Variants in CHRM3 observed in about 807,000 individuals in gnomAD.
CHRM3 encodes muscarinic acetylcholine receptor M3.
Under a neutral mutation model 41.8 loss-of-function variants are expected in CHRM3, and 11 were observed. The ratio of observed to expected loss-of-function variants is 0.26; its 90% CI spans 0.17 to 0.44. The LOEUF (loss-of-function observed/expected upper bound fraction) is 0.44, where lower values mean the gene tolerates loss of function less well. Among genes scored for constraint, CHRM3 ranks in the 20% least tolerant of loss-of-function variants. The pLI is 1.00. For synonymous variants in CHRM3, 297 were observed against 301.4 expected (o/e 0.99, Z 0.15); for missense variants, 571 against 745.4 (o/e 0.77, Z 2.72).
intron 3 of CHRM3, among the ~76,000 whole-genome samples, chr1:239,614,066 C>T (rs1667362050): frequency 6.6e-6 from 1 of 152,144 alleles, no homozygotes; most frequent in African/African-American, 2.4e-5. Context: ...ACTTGAGAGG[C>T]TGAGGCTAGA....
chr1:239,709,993 T>G (rs1489472251), intron 5 of CHRM3, among the ~76,000 whole-genome samples: 1 of 152,198 alleles, frequency 6.6e-6, no homozygotes, highest in Non-Finnish European at 1.5e-5. Flanking sequence ...GCAGTCCTCC[T>G]CCACCTATGC....
intron 1 of CHRM3, among the ~76,000 whole-genome samples, chr1:239,476,375 A>G (rs1310144518): frequency 6.6e-6 from 1 of 151,620 alleles, no homozygotes; most frequent in African/African-American, 2.4e-5. Flanking sequence ...CTGAGGCAGG[A>G]GAATTGCTTG....
intron 5 of CHRM3, among the ~76,000 whole-genome samples, chr1:239,706,026 AT>A (rs1661126908): frequency 6.6e-6 from 1 of 150,424 alleles, no homozygotes; most frequent in African/African-American, 2.4e-5. Flanking sequence ...AATGATTATC[AT>A]TTATTTAGAT....
intron 6 of CHRM3, among the ~76,000 whole-genome samples, chr1:239,871,658 C>A (rs1187333870): frequency 6.6e-6 from 1 of 152,078 alleles, no homozygotes; most frequent in Non-Finnish European, 1.5e-5. Flanking sequence ...TTTGTTAGTT[C>A]ATTTGCAATA....
chr1:239,684,696 A>C (rs1315491439), intron 5 of CHRM3, among the ~76,000 whole-genome samples: 1 of 143,978 alleles, frequency 6.9e-6, no homozygotes, highest in Non-Finnish European at 1.5e-5. Context: ...GGAAGGAGAG[A>C]GAGAGAGAGA....
chr1:239,529,475 G>C (rs1301448740), intron 2 of CHRM3, among the ~76,000 whole-genome samples: 2 of 151,870 alleles, frequency 1.3e-5, no homozygotes, highest in Non-Finnish European at 2.9e-5. Flanking sequence ...AGCTGGACAT[G>C]GTGGCATGTG....
chr1:239,725,107 C>T (rs952309729), intron 5 of CHRM3, among the ~76,000 whole-genome samples: 2 of 151,942 alleles, frequency 1.3e-5, no homozygotes, highest in African/African-American at 4.8e-5. Context: ...GCTTCCTTCT[C>T]CAACAACCTA....
chr1:239,467,618 A>G (rs1453932118), intron 1 of CHRM3, among the ~76,000 whole-genome samples: 2 of 152,266 alleles, frequency 1.3e-5, no homozygotes, highest in East Asian at 3.9e-4. Context: ...TTCTTAAGCA[A>G]GTGATACACA....
chr1:239,805,156 T>A (rs1670531363), intron 5 of CHRM3, among the ~76,000 whole-genome samples: 1 of 152,210 alleles, frequency 6.6e-6, no homozygotes, highest in South Asian at 2.1e-4. Context: ...TCTCATTTAA[T>A]CCCTGCAAAT....
At chr1:239,648,776 TTGA>T (rs1393509176) in intron 4 of CHRM3, among the ~76,000 whole-genome samples, 2 of 152,196 alleles carry the variant, frequency 1.3e-5, no homozygotes, top group Admixed American at 6.5e-5. Flanking sequence ...TCATGCTGAC[TTGA>T]TGATAAATTT....
chr1:239,819,291 T>A (rs1671844390), intron 5 of CHRM3, among the ~76,000 whole-genome samples: 2 of 152,094 alleles, frequency 1.3e-5, no homozygotes, highest in African/African-American at 4.8e-5. Flanking sequence ...CTGCAGGAGA[T>A]CTCTGGACAG....
chr1:239,851,332 A>G (rs887828178), intron 6 of CHRM3, among the ~76,000 whole-genome samples: 2 of 152,196 alleles, frequency 1.3e-5, no homozygotes, highest in African/African-American at 4.8e-5. Context: ...GTTATAAGAA[A>G]AGATAATTTC....
intron 3 of CHRM3, among the ~76,000 whole-genome samples, chr1:239,575,796 TAA>T (rs143075916): frequency 6.7e-6 from 1 of 148,700 alleles, no homozygotes; most frequent in African/African-American, 2.5e-5. Flanking sequence ...TATATAATGG[TAA>T]AAAAAAAACA....
At chr1:239,698,700 T>C (rs1007352150) in intron 5 of CHRM3, among the ~76,000 whole-genome samples, 1 of 152,160 alleles carries the variant, frequency 6.6e-6, no homozygotes, top group Non-Finnish European at 1.5e-5. Flanking sequence ...ACCCAGAGTA[T>C]CCAGCTGCTG....
chr1:239,632,115 T>G (rs2148873262), intron 3 of CHRM3, 109 bp from the exon 4 acceptor site: 1 of 152,374 alleles, frequency 6.6e-6, no homozygotes, highest in East Asian at 1.9e-4. Context: ...TCTGTAATTT[T>G]TTTTCCATTG....
intron 1 of CHRM3, among the ~76,000 whole-genome samples, chr1:239,456,437 A>G (rs904640086): frequency 6.6e-6 from 1 of 152,190 alleles, no homozygotes; most frequent in Non-Finnish European, 1.5e-5. Flanking sequence ...CATGCTGTAC[A>G]GGTTAATAGC....
intron 1 of CHRM3, among the ~76,000 whole-genome samples, chr1:239,468,469 G>A (rs147727563): frequency 3.3e-5 from 5 of 152,064 alleles, no homozygotes; most frequent in African/African-American, 1.2e-4. Flanking sequence ...TTAATGTTTG[G>A]CATTATGTTT....
intron 6 of CHRM3, among the ~76,000 whole-genome samples, chr1:239,867,619 G>C (rs1445633741): frequency 6.6e-6 from 1 of 151,350 alleles, no homozygotes; most frequent in Admixed American, 6.6e-5. Flanking sequence ...CCAGGAAGCA[G>C]AGGTTGCAGT....
chr1:239,399,107 A>G (rs1342478648), intron 1 of CHRM3, among the ~76,000 whole-genome samples: 1 of 152,210 alleles, frequency 6.6e-6, no homozygotes, highest in African/African-American at 2.4e-5. Context: ...TATCCTGAAG[A>G]AAGAACAGGT....
Sources: allele counts gnomAD v4.1 joint callset (sites outside exome capture counted in the v4.1 genomes callset), GRCh38; gene constraint gnomAD v4.1.1; transcripts MANE v1.5; gene names NCBI Gene and HGNC (gene_info 2026-07-23, HGNC 2026-07-21).